The following LRRC37A3 variants were observed in gnomAD, a reference collection of about 807,000 sequenced individuals.
LRRC37A3 encodes the protein leucine-rich repeat-containing protein 37A3.
A neutral mutation model predicts 106.2 loss-of-function variants in LRRC37A3; 25 were observed. The ratio of observed to expected loss-of-function variants is 0.24; its 90% confidence interval spans 0.17 to 0.33. LRRC37A3 has a LOEUF of 0.33. Among genes scored for constraint, LRRC37A3 ranks in the 10% least tolerant of loss-of-function variants. LRRC37A3 has a pLI of 1.00. For missense variants in LRRC37A3, 712 were observed against 1,644.9 expected, an observed-to-expected ratio of 0.43 and a Z score of 9.81; for synonymous variants, 305 against 635.8, an observed-to-expected ratio of 0.48 and a Z score of 7.83.
intron 8 of LRRC37A3, among the ~76,000 whole-genome samples, chr17:64,883,301 T>C (rs1044367343): frequency 8.6e-5 from 13 of 151,932 alleles, no homozygotes; most frequent in Non-Finnish European, 1.5e-4. Flanking sequence ...GGATTTCAGA[T>C]TCAAAATAGA....
At chr17:64,856,027 T>G (rs1039173301) in intron 13 of LRRC37A3, 138 bp from the exon 14 acceptor site, 59 of 1,565,416 alleles carry the variant, frequency 3.8e-5, no homozygotes, top group Non-Finnish European at 4.5e-5. Context: ...TTGCATACTG[T>G]GTAACACTGC....
chr17:64,882,820 C>T (rs931155310), intron 8 of LRRC37A3, among the ~76,000 whole-genome samples: 14 of 152,054 alleles, frequency 9.2e-5, no homozygotes, highest in African/African-American at 3.1e-4. Context: ...GGCATGATAT[C>T]GATGTGCCAT....
chr17:64,881,239 T>C, intron 8 of LRRC37A3: 1 of 699,406 alleles, frequency 1.4e-6, no homozygotes, highest in South Asian at 1.5e-5. Context: ...TTTCTTTTCT[T>C]TTCTTTTCTT....
rs1972834151 is a variant in LRRC37A3, at chr17:64,860,556, A to G, written c.3590T>C (p.Val1197Ala). Residue 1197 changes from valine to alanine, a missense_variant, in exon 12 of 15, where the codon GTG becomes GCG. Transcript: ENST00000584306. The part of the protein sequence containing the change: ...IRREQGAQAS[V>A]ENTAEEKRLG... The stretch of plus-strand genomic sequence containing the variant: ...CCTTTTTTCTTCGGCAGTGTTCTCC[A>G]CAGATGCCTGGGCACCCTGTTCCCT... 6.2e-7 allele frequency: 1 copy of G among 1,612,984 alleles called. No individual in the cohort carries two copies. The highest frequency in any genetic ancestry group is 1.7e-5 in the Admixed American group (1 of 59,984).
chr17:64,913,506 A>G (rs1353573752), intron 2 of LRRC37A3, among the ~76,000 whole-genome samples: 2 of 150,562 alleles, frequency 1.3e-5, no homozygotes, highest in Non-Finnish European at 2.9e-5. Flanking sequence ...ACACTAGGCT[A>G]TTTTTCTCTT....
At chr17:64,916,830 T>C (rs1056597322) in intron 2 of LRRC37A3, among the ~76,000 whole-genome samples, 8 of 145,592 alleles carry the variant, frequency 5.5e-5, no homozygotes, top group African/African-American at 2.0e-4. Context: ...AACAATGATA[T>C]ACAGATGGCA....
intron 8 of LRRC37A3, among the ~76,000 whole-genome samples, chr17:64,877,818 T>C (rs1458659068): frequency 6.6e-6 from 1 of 152,020 alleles, no homozygotes; most frequent in East Asian, 1.9e-4. Context: ...AATAAATCAA[T>C]AGAATAGAAT....
chr17:64,854,666 C>A, intron 14 of LRRC37A3, 22 bp from the exon 15 acceptor site: 2 of 1,612,976 alleles, frequency 1.2e-6, no homozygotes, highest in Non-Finnish European at 1.7e-6. Context: ...ATAACAATGC[C>A]AAGGTTTTGA....
chr17:64,866,626 ATATTTTTT>A (rs1254522598), intron 10 of LRRC37A3, among the ~76,000 whole-genome samples: 1 of 22,516 alleles, frequency 4.4e-5, no homozygotes, highest in African/African-American at 2.5e-4. Context: ...ATATATATAT[ATATTTTTT>A]TTTTTTTTTT....
intron 8 of LRRC37A3, among the ~76,000 whole-genome samples, chr17:64,870,725 G>T (rs569765671): frequency 6.6e-6 from 1 of 152,210 alleles, no homozygotes; most frequent in South Asian, 2.1e-4. Flanking sequence ...AAGAAAAAGG[G>T]TTTATTTTAA....
chr17:64,880,577 T>C (rs1973666306), intron 8 of LRRC37A3, among the ~76,000 whole-genome samples: 1 of 152,234 alleles, frequency 6.6e-6, no homozygotes, highest in South Asian at 2.1e-4. Context: ...GGGAGTAAAA[T>C]GTGGCAAGCT....
intron 2 of LRRC37A3, among the ~76,000 whole-genome samples, chr17:64,902,221 C>G (rs1268479641): frequency 6.6e-6 from 1 of 152,048 alleles, no homozygotes; most frequent in South Asian, 2.1e-4. Context: ...AAGATTGCAG[C>G]TTAGAGATAT....
In LRRC37A3 at chr17:64,897,171, T is replaced by G. The variant is rs1192835405; in HGVS notation, c.87A>C (p.Leu29=). 6.2e-7 allele frequency: 1 copy of G among 1,608,784 alleles called. No homozygotes were observed. The part of the protein sequence containing the change: ...WGPWPLLMWQ[L]LWLLVKEAQP... ...GAGCCTCCTTGACTAGTAGCCACAA[T>G]AGTTGCCACATAAGGAGGGGCCATG... The change falls in exon 4 of 15, where the codon CTA becomes CTC. Residue 29 remains leucine, a synonymous_variant. Transcript: ENST00000584306.
chr17:64,916,030 G>GT (rs1567789641), intron 2 of LRRC37A3, among the ~76,000 whole-genome samples: 1 of 152,126 alleles, frequency 6.6e-6, no homozygotes, highest in Non-Finnish European at 1.5e-5. Context: ...TGAACCTGGG[G>GT]TCGAGGGGAA....
At chr17:64,874,039 A>G (rs537080639) in intron 8 of LRRC37A3, among the ~76,000 whole-genome samples, 4 of 152,338 alleles carry the variant, frequency 2.6e-5, no homozygotes, top group Non-Finnish European at 4.4e-5. Context: ...GAAAGCAGCA[A>G]GAGAAAAGCA....
intron 8 of LRRC37A3, among the ~76,000 whole-genome samples, chr17:64,873,364 T>C (rs1483509116): frequency 6.6e-6 from 1 of 151,942 alleles, no homozygotes; most frequent in Non-Finnish European, 1.5e-5. Flanking sequence ...CTTGCGAAGT[T>C]ACCCAGGGTG....
At position 64,897,215 on chromosome 17, in the gene LRRC37A3, G is replaced by C; in HGVS notation, c.43C>G (p.Pro15Ala). The change falls in exon 4 of 15, where the codon CCG becomes GCG. Residue 15 changes from proline to alanine, a missense_variant. Physicochemically the swap from Pro to Ala is conservative, Grantham distance 27. Transcript: ENST00000584306. Reference protein sequence around the residue: ...QCPALACVMSPLRFWGPWPLL... With the variant: ...QCPALACVMSALRFWGPWPLL... ...GGCCATGGGCCCCAGAAACGCAGCG[G>C]GGACATGACACACGCTAGTGCCGGG... 1 of 1,609,390 alleles carries C rather than the reference G, an allele frequency of 6.2e-7. No homozygotes were observed. Among genetic ancestry groups the C allele is most frequent in the Non-Finnish European group, 8.5e-7 (1 of 1,179,884 alleles).
chr17:64,918,950 C>T, intron 1 of LRRC37A3, 80 bp from the exon 2 acceptor site: 1 of 1,075,610 alleles, frequency 9.3e-7, no homozygotes, highest in Non-Finnish European at 1.2e-6. Flanking sequence ...GCCGTCCGGA[C>T]CTGCAGCTGT....
In LRRC37A3 at chr17:64,860,555, C is replaced by T. The variant is rs1972834079; in HGVS notation, c.3591G>A (p.Val1197=). The T allele has an allele frequency of 6.2e-7, 1 of 1,613,130 alleles. No individual in the cohort carries two copies. Among genetic ancestry groups the T allele is most frequent in the Admixed American group, 1.7e-5 (1 of 60,010 alleles). The change falls in exon 12 of 15, where the codon GTG becomes GTA. Residue 1197 remains valine (V), a synonymous_variant. Coordinates refer to ENST00000584306, the MANE Select transcript of LRRC37A3 (RefSeq NM_199340.5). The part of the protein sequence containing the change: ...IRREQGAQAS[V]ENTAEEKRLG... ...GCCTTTTTTCTTCGGCAGTGTTCTC[C>T]ACAGATGCCTGGGCACCCTGTTCCC... is the stretch of plus-strand genomic sequence containing the variant.
Sources: allele counts gnomAD v4.1 joint callset (sites outside exome capture counted in the v4.1 genomes callset), GRCh38; gene constraint gnomAD v4.1.1; transcripts MANE v1.5; gene names NCBI Gene and HGNC (gene_info 2026-07-23, HGNC 2026-07-21).